Variants in IL1RAPL2 observed in about 807,000 individuals in gnomAD.
IL1RAPL2 encodes the protein X-linked interleukin-1 receptor accessory protein-like 2.
A neutral mutation model predicts 44.1 loss-of-function variants in IL1RAPL2; 3 were observed. The observed-to-expected ratio is 0.07, with a 90% CI of 0.03 to 0.18. The LOEUF (loss-of-function observed/expected upper bound fraction) is 0.18. Among genes scored for constraint, IL1RAPL2 ranks in the 10% least tolerant of loss-of-function variants. The probability of loss-of-function intolerance (pLI) is 1.00; values close to 1 mark genes in which losing one functional copy is unlikely to be tolerated. For missense variants in IL1RAPL2, 391 were observed against 496.4 expected (o/e 0.79, Z 2.02); for synonymous variants, 181 against 178.8 (o/e 1.01, Z -0.10).
intron 6 of IL1RAPL2, among the ~76,000 whole-genome samples, chrX:105,688,803 CG>C (rs2038008779): frequency 8.9e-6 from 1 of 111,740 alleles, no homozygotes; most frequent in Non-Finnish European, 1.9e-5. Flanking sequence ...GGAGGTATCA[CG>C]CTACCTGACT....
chrX:105,596,094 G>A (rs1164528282), intron 6 of IL1RAPL2, among the ~76,000 whole-genome samples: 13 of 110,691 alleles, frequency 1.2e-4, no homozygotes, highest in African/African-American at 4.3e-4. Flanking sequence ...CGGTTTTCTT[G>A]ATTTGTTTGT....
intron 2 of IL1RAPL2, among the ~76,000 whole-genome samples, chrX:104,892,508 GT>G (rs1239345454): frequency 9.0e-6 from 1 of 111,383 alleles, no homozygotes; most frequent in Non-Finnish European, 1.9e-5. Context: ...CTTCTTCCTG[GT>G]TTAGTCTTTG....
intron 5 of IL1RAPL2, among the ~76,000 whole-genome samples, chrX:105,402,726 G>A: frequency 9.0e-6 from 1 of 111,437 alleles, no homozygotes; most frequent in South Asian, 3.7e-4. Context: ...AATATTTTAT[G>A]CTAACAGATT....
chrX:104,571,525 C>G (rs1377207004), intron 1 of IL1RAPL2, among the ~76,000 whole-genome samples: 1 of 111,323 alleles, frequency 9.0e-6, no homozygotes, highest in Non-Finnish European at 1.9e-5. Context: ...GTGAATAAAT[C>G]TCACAAGATC....
At chrX:105,224,369 G>A (rs1211890016) in intron 3 of IL1RAPL2, among the ~76,000 whole-genome samples, 4 of 111,848 alleles carry the variant, frequency 3.6e-5, no homozygotes, top group African/African-American at 1.3e-4. Context: ...AGTGATTCAA[G>A]TGACGAGAAT....
intron 6 of IL1RAPL2, among the ~76,000 whole-genome samples, chrX:105,554,385 G>A (rs1385398710): frequency 9.0e-6 from 1 of 111,666 alleles, no homozygotes; most frequent in East Asian, 2.8e-4. Flanking sequence ...TTATAATTTT[G>A]ATTATAATAT....
At chrX:105,233,648 A>G (rs1433275304) in intron 3 of IL1RAPL2, among the ~76,000 whole-genome samples, 170 bp from the exon 4 acceptor site, 1 of 112,358 alleles carries the variant, frequency 8.9e-6, no homozygotes, top group African/African-American at 3.2e-5. Flanking sequence ...AATTAGTTTC[A>G]TATCTTCTAG....
At chrX:105,469,008 G>T (rs1044999115) in intron 5 of IL1RAPL2, among the ~76,000 whole-genome samples, 5 of 111,764 alleles carry the variant, frequency 4.5e-5, no homozygotes, top group African/African-American at 1.6e-4. Context: ...CACAGTCTTA[G>T]AATTTTATTT....
chrX:105,701,696 C>T (rs758518186), intron 6 of IL1RAPL2, among the ~76,000 whole-genome samples: 19 of 111,696 alleles, frequency 1.7e-4, no homozygotes, highest in African/African-American at 5.8e-4. Flanking sequence ...CGACTCCTTA[C>T]CAATTTATTT....
At chrX:105,198,345 A>G (rs1274468490) in intron 3 of IL1RAPL2, among the ~76,000 whole-genome samples, 2 of 112,059 alleles carry the variant, frequency 1.8e-5, no homozygotes, top group African/African-American at 6.5e-5. Context: ...AAGTCAGTCA[A>G]TCATTTCCCT....
chrX:104,667,988 A>G (rs1263858618), intron 2 of IL1RAPL2, among the ~76,000 whole-genome samples: 1 of 111,584 alleles, frequency 9.0e-6, no homozygotes, highest in African/African-American at 3.3e-5. Flanking sequence ...GATTGGGCAG[A>G]CTGGATTGGG....
chrX:105,720,005 A>C (rs1413383070), intron 7 of IL1RAPL2, among the ~76,000 whole-genome samples: 2 of 111,767 alleles, frequency 1.8e-5, no homozygotes, highest in South Asian at 3.7e-4. Flanking sequence ...CTTAAGGGTC[A>C]CTTTTCATTC....
At chrX:104,582,584 TTCTTTCTTTCTTTTTC>T (rs1928377850) in intron 1 of IL1RAPL2, among the ~76,000 whole-genome samples, 2 of 37,310 alleles carry the variant, frequency 5.4e-5, no homozygotes, top group Admixed American at 7.2e-4. Context: ...TTCTTTTTCT[TTCTTTCTTTCTTTTTC>T]TTTCTTTCTT....
At chrX:104,579,406 A>G (rs1406598359) in intron 1 of IL1RAPL2, among the ~76,000 whole-genome samples, 6 of 112,362 alleles carry the variant, frequency 5.3e-5, no homozygotes, top group African/African-American at 1.9e-4. Flanking sequence ...ATGGAATACT[A>G]TGCAGCCATA....
chrX:104,716,383 T>C (rs182247246), intron 2 of IL1RAPL2, among the ~76,000 whole-genome samples: 441 of 111,240 alleles, frequency 4.0e-3, no homozygotes, highest in African/African-American at 0.014. Flanking sequence ...GATTTCATGA[T>C]TGAAGACACC....
intron 2 of IL1RAPL2, among the ~76,000 whole-genome samples, chrX:104,974,656 C>G (rs898265352): frequency 8.9e-5 from 10 of 111,871 alleles, no homozygotes; most frequent in African/African-American, 3.2e-4. Flanking sequence ...GGGGAAAGCC[C>G]AGAGTCCCCA....
At chrX:105,498,705 G>A (rs1442657770) in intron 6 of IL1RAPL2, among the ~76,000 whole-genome samples, 3 of 111,399 alleles carry the variant, frequency 2.7e-5, no homozygotes, top group Admixed American at 1.9e-4. Context: ...GTAGAACAAC[G>A]GAACAAAATT....
At chrX:104,830,443 A>T (rs768352193) in intron 2 of IL1RAPL2, among the ~76,000 whole-genome samples, 1 of 111,773 alleles carries the variant, frequency 8.9e-6, no homozygotes, top group Non-Finnish European at 1.9e-5. Context: ...CAGTGTTTTT[A>T]TTCAAGATAT....
chrX:105,428,987 A>C (rs766139032), intron 5 of IL1RAPL2, among the ~76,000 whole-genome samples: 2 of 111,594 alleles, frequency 1.8e-5, no homozygotes, highest in Admixed American at 9.6e-5. Flanking sequence ...CCAAAGACAG[A>C]AACTAAATAA....
Sources: gnomAD v4.1 joint callset for allele counts (sites outside exome capture counted in the v4.1 genomes callset) on GRCh38, gnomAD v4.1.1 for gene constraint, MANE v1.5 for transcripts, NCBI Gene and HGNC (gene_info 2026-07-23, HGNC 2026-07-21) for gene names.